Variants in ZNF469 observed in about 807,000 individuals in gnomAD.
The protein encoded by ZNF469 is zinc finger protein 469.
In ZNF469, 1 loss-of-function variant was observed where a neutral mutation model predicts 1.0. The ratio of observed to expected loss-of-function variants is 1.00; its 90% confidence interval spans 0.35 to 4.73. The LOEUF (loss-of-function observed/expected upper bound fraction) is 4.73. Ranked by LOEUF, ZNF469 falls within the 30% of genes most tolerant of loss-of-function variation. The pLI, the probability that ZNF469 is intolerant of heterozygous loss-of-function variation, is 0.16. For synonymous variants in ZNF469, 2,703 were observed against 2,363.4 expected (o/e 1.14, Z -4.17); for missense variants, 6,100 against 5,356.3 (o/e 1.14, Z -4.33).
the ZNF469 span, among the ~76,000 whole-genome samples, chr16:88,284,112 T>C: frequency 0.012 from 225 of 18,464 alleles, no homozygotes; most frequent in Middle Eastern, 0.05. Context: ...CGAGTGTGCC[T>C]GAGGTCTGTG....
chr16:88,124,516 C>T, the ZNF469 span, among the ~76,000 whole-genome samples: 1 of 152,216 alleles, frequency 6.6e-6, no homozygotes, highest in African/African-American at 2.4e-5. Context: ...AGCCACCATG[C>T]CCAGGCTGAT....
chr16:88,127,242 C>T, the ZNF469 span, among the ~76,000 whole-genome samples: 1 of 152,058 alleles, frequency 6.6e-6, no homozygotes, highest in Non-Finnish European at 1.5e-5. Flanking sequence ...CGTCACAGGC[C>T]TCATAACACA....
At chr16:88,160,018 C>A in the ZNF469 span, among the ~76,000 whole-genome samples, 8 of 152,310 alleles carry the variant, frequency 5.3e-5, no homozygotes, top group African/African-American at 1.4e-4. Flanking sequence ...AGCTTGTTTT[C>A]CCCCTTTCTG....
At chr16:88,172,998 G>C in the ZNF469 span, among the ~76,000 whole-genome samples, 1 of 152,210 alleles carries the variant, frequency 6.6e-6, no homozygotes, top group African/African-American at 2.4e-5. Context: ...CATCGTGTCT[G>C]TGTGTAACTG....
At chr16:88,129,820 T>C in the ZNF469 span, among the ~76,000 whole-genome samples, 1 of 152,216 alleles carries the variant, frequency 6.6e-6, no homozygotes, top group African/African-American at 2.4e-5. Flanking sequence ...ATCGTGCCAT[T>C]GCACTTCAGC....
chr16:88,239,404 C>T, the ZNF469 span, among the ~76,000 whole-genome samples: 36 of 151,456 alleles, frequency 2.4e-4, no homozygotes, highest in Admixed American at 1.1e-3. Flanking sequence ...CTACAGGATT[C>T]TTTCATCTAC....
the ZNF469 span, among the ~76,000 whole-genome samples, chr16:88,323,110 A>C: frequency 6.6e-6 from 1 of 152,164 alleles, no homozygotes; most frequent in African/African-American, 2.4e-5. Context: ...CAGTGATCCC[A>C]CATCATGGAT....
the ZNF469 span, among the ~76,000 whole-genome samples, chr16:88,172,431 C>T: frequency 6.6e-6 from 1 of 152,184 alleles, no homozygotes; most frequent in Non-Finnish European, 1.5e-5. Context: ...TAGCCTAAGG[C>T]TGTTTTGGAC....
chr16:88,435,014 C>T lies in ZNF469; in HGVS notation c.7544C>T (p.Pro2515Leu), dbSNP rs1376555407. 2.6e-6 allele frequency: 4 copies of T among 1,550,236 alleles called. No homozygotes were observed. Among genetic ancestry groups the T allele is most frequent in the African/African-American group, 2.7e-5 (2 of 73,064 alleles). ...PSPAALPAQQ[P>L]LEPLAQKCQP... The stretch of plus-strand genomic sequence containing the variant: ...CCAGCGGCCTTGCCTGCTCAGCAGC[C>T]TCTAGAGCCCCTAGCCCAAAAGTGC... Residue 2515 changes from proline (P) to leucine (L), a missense_variant, in exon 3 of 3, where the codon CCT (proline) becomes CTT (leucine). By Grantham distance (98) the Pro-to-Leu change is moderately conservative. Transcript: ENST00000565624.
intron 1 of ZNF469, among the ~76,000 whole-genome samples, chr16:88,415,524 T>C (rs1362153876): frequency 2.0e-5 from 3 of 152,196 alleles, no homozygotes; most frequent in African/African-American, 7.2e-5. Context: ...AGCCTGGGAA[T>C]GGCAGTGCAG....
the ZNF469 span, among the ~76,000 whole-genome samples, chr16:88,168,715 C>T: frequency 2.8e-3 from 429 of 152,286 alleles, no homozygotes; most frequent in Middle Eastern, 6.8e-3. This position sits in a 1 kb window ranked among gnomAD's most constrained non-coding sequence, Gnocchi z 4.3. Context: ...AGCACTAGGA[C>T]GAGGGCTGGG....
the ZNF469 span, among the ~76,000 whole-genome samples, chr16:88,271,967 G>A: frequency 6.6e-6 from 1 of 152,172 alleles, no homozygotes; most frequent in Non-Finnish European, 1.5e-5. Flanking sequence ...TAAATGGGTA[G>A]GTGAATGGAT....
chr16:88,154,153 G>T, the ZNF469 span, among the ~76,000 whole-genome samples: 1 of 152,106 alleles, frequency 6.6e-6, no homozygotes, highest in Non-Finnish European at 1.5e-5. Flanking sequence ...TTTGTTTGTT[G>T]GTTTGTTTTT....
the ZNF469 span, among the ~76,000 whole-genome samples, chr16:88,118,029 G>A: frequency 1.3e-5 from 2 of 152,192 alleles, no homozygotes; most frequent in Non-Finnish European, 2.9e-5. Flanking sequence ...CGCAACCTCC[G>A]CCTCCTGGAT....
the ZNF469 span, among the ~76,000 whole-genome samples, chr16:88,324,282 G>A: frequency 6.6e-6 from 1 of 152,256 alleles, no homozygotes. Context: ...TTTTGGCCAA[G>A]AAGTAAAAAG....
the ZNF469 span, among the ~76,000 whole-genome samples, chr16:88,299,143 TG>T: frequency 1.4e-3 from 59 of 42,242 alleles, no homozygotes; most frequent in Middle Eastern, 0.011. Flanking sequence ...GGAGGCAGCT[TG>T]GGGTGGGGAG....
the ZNF469 span, among the ~76,000 whole-genome samples, chr16:88,273,279 A>G: frequency 0.11 from 16,219 of 151,628 alleles, 1,005 homozygotes; most frequent in Middle Eastern, 0.18. Flanking sequence ...AGAGGAAAAC[A>G]GTCATGGTTC....
At chr16:88,236,383 G>A in the ZNF469 span, among the ~76,000 whole-genome samples, 1 of 152,278 alleles carries the variant, frequency 6.6e-6, no homozygotes, top group African/African-American at 2.4e-5. Flanking sequence ...AACAGCCTGT[G>A]CTGTCAGTCT....
the ZNF469 span, among the ~76,000 whole-genome samples, chr16:88,176,901 C>T: frequency 1.3e-5 from 2 of 152,218 alleles, no homozygotes; most frequent in African/African-American, 2.4e-5. Context: ...GCAGAAACGA[C>T]AGATTCTTCC....
Sources: allele counts gnomAD v4.1 joint callset (sites outside exome capture counted in the v4.1 genomes callset), GRCh38; gene constraint gnomAD v4.1.1; non-coding constraint Gnocchi (gnomAD v3.1); transcripts MANE v1.5; gene names NCBI Gene and HGNC (gene_info 2026-07-23, HGNC 2026-07-21).